Variants in ADAMTS9 observed in about 807,000 individuals in gnomAD.
ADAMTS9 encodes the protein A disintegrin and metalloproteinase with thrombospondin motifs 9.
ADAMTS9 carries 107 observed loss-of-function variants against 257.1 expected under a neutral mutation model. The observed-to-expected ratio is 0.42, with a 90% CI of 0.36 to 0.49. ADAMTS9 has a LOEUF of 0.49. Among genes scored for constraint, ADAMTS9 ranks in the 20% least tolerant of loss-of-function variants. The pLI, the probability that ADAMTS9 is intolerant of heterozygous loss-of-function variation, is 0.03. For synonymous variants in ADAMTS9, 982 were observed against 880.9 expected, an observed-to-expected ratio of 1.11 and a Z score of -2.03; for missense variants, 2,353 against 2,469.1, an observed-to-expected ratio of 0.95 and a Z score of 1.00.
intron 31 of ADAMTS9, chr3:64,550,208 G>T (rs527241506): frequency 3.3e-5 from 5 of 152,242 alleles, no homozygotes; most frequent in Non-Finnish European, 5.9e-5. Context: ...TGCACAGGAA[G>T]ATATATGAAA....
At chr3:64,548,498 A>G (rs2083230005) in intron 31 of ADAMTS9, among the ~76,000 whole-genome samples, 1 of 152,192 alleles carries the variant, frequency 6.6e-6, no homozygotes, top group Non-Finnish European at 1.5e-5. Context: ...ACAACAGTCC[A>G]TACTAACTTA....
chr3:64,565,008 G>A (rs1412253177), intron 29 of ADAMTS9, among the ~76,000 whole-genome samples: 2 of 152,176 alleles, frequency 1.3e-5, no homozygotes, highest in Admixed American at 6.5e-5. Context: ...ATATGATGCA[G>A]TCTTTTGTAG....
intron 37 of ADAMTS9, among the ~76,000 whole-genome samples, chr3:64,536,960 A>C (rs928331973): frequency 5.9e-5 from 9 of 152,182 alleles, no homozygotes; most frequent in African/African-American, 2.2e-4. Context: ...TTCTGCTTTG[A>C]TTTCTGTGCA....
intron 28 of ADAMTS9, chr3:64,587,462 A>G (rs1233870520): frequency 6.6e-6 from 1 of 152,212 alleles, no homozygotes; most frequent in African/African-American, 2.4e-5. Flanking sequence ...TAATTTAAAA[A>G]TTACATTAAA....
intron 31 of ADAMTS9, among the ~76,000 whole-genome samples, chr3:64,548,302 G>A (rs116213819): frequency 1.9e-4 from 29 of 152,274 alleles, no homozygotes; most frequent in African/African-American, 6.5e-4. Context: ...CAGTTGGCTC[G>A]AGACATAGAA....
At chr3:64,670,468 C>G (rs1024001371) in intron 3 of ADAMTS9, among the ~76,000 whole-genome samples, 9 of 152,190 alleles carry the variant, frequency 5.9e-5, no homozygotes, top group African/African-American at 2.2e-4. Context: ...ACTATACTTT[C>G]TTGCTATGTA....
chr3:64,626,746 T>C (rs1700231516), intron 16 of ADAMTS9, among the ~76,000 whole-genome samples: 1 of 152,208 alleles, frequency 6.6e-6, no homozygotes, highest in South Asian at 2.1e-4. Flanking sequence ...CAACCCATAG[T>C]AGGTGCTCAA....
rs549201348 is a variant in ADAMTS9, at chr3:64,631,558, G to T, written c.2294-8C>A. 1.8e-5 allele frequency: 29 copies of T among 1,608,916 alleles called. No individual in the cohort carries two copies. In the South Asian group the frequency reaches 2.6e-4, roughly 15 times the overall value. ...GGACCACAGTATTGTAACCTGAAAA[G>T]AATTTAGCAGAAATTCAGTACTCCA... On this transcript the variant is annotated splice_polypyrimidine_tract_variant and splice_region_variant and intron_variant, in intron 15 of 39. Coordinates refer to ENST00000498707, the MANE Select transcript of ADAMTS9 (RefSeq NM_182920.2).
chr3:64,535,182 A>T (rs1045701442), intron 37 of ADAMTS9, among the ~76,000 whole-genome samples: 4 of 152,110 alleles, frequency 2.6e-5, no homozygotes, highest in Admixed American at 6.6e-5. Context: ...GTTCAAGACC[A>T]GCCTGGCCCA....
chr3:64,633,523 T>A lies in ADAMTS9; in HGVS notation c.2124A>T (p.Gly708=), dbSNP rs1700421348. 1 of 1,613,956 alleles carries A rather than the reference T, an allele frequency of 6.2e-7. No individual in the cohort carries two copies. The highest frequency in any genetic ancestry group is 8.5e-7 in the Non-Finnish European group (1 of 1,180,008). Reference sequence around the variant, plus strand: ...CATTTGTGTCCTGGCCACAAGGAGTTCCATCTATCACTCTGTCTCGAAGCT... The same window carrying A: ...CATTTGTGTCCTGGCCACAAGGAGTACCATCTATCACTCTGTCTCGAAGCT... The part of the protein sequence containing the change: ...YYQLRDRVID[G]TPCGQDTNDI... Residue 708 remains glycine (G), a synonymous_variant, in exon 14 of 40, where the codon GGA becomes GGT. Coordinates refer to ENST00000498707, the MANE Select transcript of ADAMTS9 (RefSeq NM_182920.2).
chr3:64,522,337 G>T, intron 38 of ADAMTS9, 77 bp from the exon 39 acceptor site: 2 of 1,270,418 alleles, frequency 1.6e-6, no homozygotes, highest in East Asian at 2.3e-5. Context: ...TTGGGAAAAC[G>T]TTCTTATACA....
At chr3:64,579,214 G>A (rs975505522) in intron 28 of ADAMTS9, among the ~76,000 whole-genome samples, 1 of 151,944 alleles carries the variant, frequency 6.6e-6, no homozygotes, top group Non-Finnish European at 1.5e-5. Context: ...AGTCTCTTTG[G>A]TATCACTAAG....
intron 12 of ADAMTS9, among the ~76,000 whole-genome samples, chr3:64,640,990 ATG>A: frequency 6.6e-6 from 1 of 152,288 alleles, no homozygotes; most frequent in East Asian, 1.9e-4. Context: ...AATCTGTAAA[ATG>A]TCAGGTTGTG....
At chr3:64,682,476 A>G (rs1701782540) in intron 2 of ADAMTS9, among the ~76,000 whole-genome samples, 1 of 152,192 alleles carries the variant, frequency 6.6e-6, no homozygotes, top group South Asian at 2.1e-4. Context: ...ATGATACCTC[A>G]AGATTGAACC....
intron 12 of ADAMTS9, among the ~76,000 whole-genome samples, chr3:64,636,430 G>A (rs1396471897): frequency 6.6e-6 from 1 of 152,002 alleles, no homozygotes; most frequent in Non-Finnish European, 1.5e-5. Context: ...CCAAGCCTCC[G>A]TTTGCTTATC....
intron 30 of ADAMTS9, among the ~76,000 whole-genome samples, chr3:64,557,597 C>A (rs2083356609): frequency 6.6e-6 from 1 of 152,088 alleles, no homozygotes; most frequent in Non-Finnish European, 1.5e-5. Context: ...CAGAAGCCTC[C>A]ATCGGAAGGC....
intron 30 of ADAMTS9, among the ~76,000 whole-genome samples, chr3:64,552,332 G>A (rs1020392282): frequency 6.6e-6 from 1 of 152,104 alleles, no homozygotes; most frequent in Non-Finnish European, 1.5e-5. Context: ...CCCCACCCCT[G>A]AAGTTTATCC....
intron 10 of ADAMTS9, among the ~76,000 whole-genome samples, chr3:64,648,612 T>G (rs1700854518): frequency 6.6e-6 from 1 of 152,250 alleles, no homozygotes; most frequent in Non-Finnish European, 1.5e-5. Flanking sequence ...GTAGAAAAGT[T>G]GCACAAGTAT....
At chr3:64,624,270 G>C (rs528868091) in intron 16 of ADAMTS9, among the ~76,000 whole-genome samples, 1 of 150,098 alleles carries the variant, frequency 6.7e-6, no homozygotes, top group African/African-American at 2.5e-5. Flanking sequence ...AAGGAAAAGA[G>C]AGACAAAGAA....
Sources: gnomAD v4.1 joint callset for allele counts (sites outside exome capture counted in the v4.1 genomes callset) on GRCh38, gnomAD v4.1.1 for gene constraint, MANE v1.5 for transcripts, NCBI Gene and HGNC (gene_info 2026-07-23, HGNC 2026-07-21) for gene names.